The following MAP3K9 variants were observed in gnomAD, a reference collection of about 807,000 sequenced individuals.
The protein encoded by MAP3K9 is mitogen-activated protein kinase kinase kinase 9.
In MAP3K9, 46 loss-of-function variants were observed where a neutral mutation model predicts 95.8. That is an observed-to-expected ratio of 0.48 (90% confidence interval 0.38 to 0.61). MAP3K9 has a LOEUF of 0.61. MAP3K9 is among the 20% of genes least tolerant of loss of function. MAP3K9 has a pLI of 0.00. For synonymous variants in MAP3K9, 533 were observed against 593.8 expected, an observed-to-expected ratio of 0.90 and a Z score of 1.49; for missense variants, 1,296 against 1,474.3, an observed-to-expected ratio of 0.88 and a Z score of 1.98.
At chr14:70,760,138 C>G (rs919611892) in intron 3 of MAP3K9, among the ~76,000 whole-genome samples, 2 of 96,358 alleles carry the variant, frequency 2.1e-5, no homozygotes, top group East Asian at 4.8e-4. Context: ...TTAAAATAAA[C>G]GTGCACACAC....
intron 2 of MAP3K9, among the ~76,000 whole-genome samples, chr14:70,783,919 A>AT (rs1199250723): frequency 1.3e-5 from 2 of 152,208 alleles, no homozygotes; most frequent in Admixed American, 1.3e-4. Context: ...TCTGGTTAAA[A>AT]TTTTTTAAAT....
chr14:70,739,925 A>G (rs2054044720), intron 7 of MAP3K9, 117 bp downstream of exon 7: 1 of 1,613,782 alleles, frequency 6.2e-7, no homozygotes, highest in African/African-American at 1.3e-5. Context: ...CACATTGTCG[A>G]GGAGAGGTGG....
chr14:70,733,199 C>G lies in MAP3K9; in HGVS notation c.2170G>C (p.Val724Leu). Residue 724 changes from valine to leucine, a missense_variant, in exon 11 of 12, where the codon GTC becomes CTC. Coordinates refer to ENST00000554752, the MANE Select transcript of MAP3K9 (RefSeq NM_001284230.2). ...SDGIHEEPTP[V>L]NSATSTPQLT... Reference sequence around the variant, plus strand: ...TGAGGGGTACTCGTGGCCGAGTTGACTGGGGTGGGCTCCTCATGGATTCCA... The same window carrying G: ...TGAGGGGTACTCGTGGCCGAGTTGAGTGGGGTGGGCTCCTCATGGATTCCA... 1 of 1,610,592 alleles carries G rather than the reference C, an allele frequency of 6.2e-7. No homozygotes were observed. The highest frequency in any genetic ancestry group is 1.1e-5 in the South Asian group (1 of 90,790).
chr14:70,747,505 A>G (rs1296394245), intron 5 of MAP3K9, among the ~76,000 whole-genome samples: 1 of 152,216 alleles, frequency 6.6e-6, no homozygotes, highest in Non-Finnish European at 1.5e-5. Context: ...GTATGTCTTT[A>G]TTAGCAGCAT....
chr14:70,728,056 G>A lies in MAP3K9; in HGVS notation c.*2324C>T, dbSNP rs986794849. The A allele has an allele frequency of 6.8e-6, 1 of 147,366 alleles. No homozygotes were observed. The highest frequency in any genetic ancestry group is 1.5e-5 in the Non-Finnish European group (1 of 67,298). 9.1% of individuals were successfully genotyped at this position (147,366 alleles called of 1,614,324 possible). On this transcript the variant is annotated 3_prime_UTR_variant, in exon 12 of 12. Coordinates refer to ENST00000554752, the MANE Select transcript of MAP3K9 (RefSeq NM_001284230.2). ...AGTGGAGCCAAGGATATACAGATGT[G>A]CTCATGGTTTAGCCTGAGGTTATGG...
chr14:70,797,931 G>A (rs2054883047), intron 2 of MAP3K9, among the ~76,000 whole-genome samples: 1 of 152,178 alleles, frequency 6.6e-6, no homozygotes, highest in African/African-American at 2.4e-5. Context: ...CAACCATGCA[G>A]TCCAATGGAC....
chr14:70,726,877 C>T lies in MAP3K9; in HGVS notation c.*3503G>A, dbSNP rs2053826871. The T allele has an allele frequency of 6.6e-6, 1 of 152,246 alleles. No homozygotes were observed. The highest frequency in any genetic ancestry group is 2.4e-5 in the African/African-American group (1 of 41,446). The allele number at this position is 152,246 out of a possible 1,614,324, so 9.4% of individuals were successfully genotyped here. On this transcript the variant is annotated 3_prime_UTR_variant, in exon 12 of 12. Coordinates refer to ENST00000554752, the MANE Select transcript of MAP3K9 (RefSeq NM_001284230.2). ...TTCTCTGATACATACACCCAACTCC[C>T]TTGAGAGGAAAGCATGTGATGATTG...
chr14:70,731,006 G>C (rs769427965), intron 11 of MAP3K9, 142 bp from the exon 12 acceptor site: 1 of 858,446 alleles, frequency 1.2e-6, no homozygotes, highest in Non-Finnish European at 1.8e-6. Flanking sequence ...GCACCTACTG[G>C]GAGGCACTGG....
intron 2 of MAP3K9, among the ~76,000 whole-genome samples, chr14:70,767,159 G>A (rs550701854): frequency 5.9e-5 from 9 of 152,088 alleles, no homozygotes; most frequent in Middle Eastern, 3.4e-3. Context: ...TGAGGTGGGC[G>A]GGTCACCTGA....
rs2054322283 is a variant in MAP3K9 at position 70,758,194 on chromosome 14, C to A, written c.1001+2808G>T. ...CTCTTTCAGCTCAACAATAAAAAGACAAATACTCTAATTTTTAAATTGGCA... is the reference window on the plus strand; with the variant it reads ...CTCTTTCAGCTCAACAATAAAAAGAAAAATACTCTAATTTTTAAATTGGCA... On this transcript the variant is annotated intron_variant, in intron 3 of 11. Coordinates refer to ENST00000554752, the MANE Select transcript of MAP3K9 (RefSeq NM_001284230.2). 3.3e-5 allele frequency among the ~76,000 whole-genome samples: 5 copies of A among 152,136 alleles called. No homozygotes were observed. The South Asian group carries it at 1.0e-3, about 32-fold the overall frequency.
intron 5 of MAP3K9, among the ~76,000 whole-genome samples, chr14:70,745,264 G>A (rs2054130188): frequency 6.6e-6 from 1 of 152,148 alleles, no homozygotes; most frequent in Non-Finnish European, 1.5e-5. Context: ...AAACAAAATA[G>A]TGTAGAAAGG....
At chr14:70,763,400 G>C (rs941635821) in intron 2 of MAP3K9, among the ~76,000 whole-genome samples, 5 of 152,200 alleles carry the variant, frequency 3.3e-5, no homozygotes, top group Non-Finnish European at 7.3e-5. Flanking sequence ...GTATTCTCAT[G>C]TGTCTGTGGT....
At chr14:70,733,842 A>G (rs1446452509) in intron 10 of MAP3K9, 2 of 717,558 alleles carry the variant, frequency 2.8e-6, no homozygotes, top group Admixed American at 4.0e-5. Context: ...CAGTTTGCTG[A>G]GCTTCCTCTC....
intron 2 of MAP3K9, among the ~76,000 whole-genome samples, chr14:70,787,507 C>CAA (rs66469021): frequency 6.3e-5 from 8 of 126,186 alleles, no homozygotes; most frequent in Admixed American, 1.6e-4. Context: ...GACTCTGTCT[C>CAA]AAAAAAAAAA....
In MAP3K9 at chr14:70,725,529, G is replaced by A. The variant is rs2053808999; in HGVS notation, c.*4851C>T. Reference sequence around the variant, plus strand: ...CTCCTGCCTTCCAACACCAGCACCTGAGTGGTGAGCACCCACCCAGGTAGC... The same window carrying A: ...CTCCTGCCTTCCAACACCAGCACCTAAGTGGTGAGCACCCACCCAGGTAGC... On this transcript the variant is annotated 3_prime_UTR_variant, in exon 12 of 12. Coordinates refer to ENST00000554752, the MANE Select transcript of MAP3K9 (RefSeq NM_001284230.2). The A allele has an allele frequency of 6.6e-6, 1 of 152,156 alleles. No individual in the cohort carries two copies. The highest frequency in any genetic ancestry group is 1.5e-5 in the Non-Finnish European group (1 of 68,052). The allele number at this position is 152,156 out of a possible 1,614,324, so 9.4% of individuals were successfully genotyped here.
chr14:70,794,155 C>T (rs2054836421), intron 2 of MAP3K9, among the ~76,000 whole-genome samples: 1 of 152,142 alleles, frequency 6.6e-6, no homozygotes, highest in Admixed American at 6.6e-5. Context: ...AAGGGGAGAC[C>T]AGCTTGGCTA....
At position 70,787,756 on chromosome 14, in the gene MAP3K9, C is replaced by T. The variant is rs528859877; in HGVS notation, c.820+12911G>A. Among the ~76,000 whole-genome samples the T allele has an allele frequency of 7.9e-5, 12 of 152,114 alleles. No homozygotes were observed. In the South Asian group the frequency reaches 1.5e-3, roughly 18 times the overall value. On this transcript the variant is annotated intron_variant, in intron 2 of 11. Coordinates refer to ENST00000554752, the MANE Select transcript of MAP3K9 (RefSeq NM_001284230.2). Reference sequence around the variant, plus strand: ...AAAGCAAAGGCTTGAAGAGAACAAACAAAGCTCATTCAGTAAAAGTGTTTT... The same window carrying T: ...AAAGCAAAGGCTTGAAGAGAACAAATAAAGCTCATTCAGTAAAAGTGTTTT...
chr14:70,791,518 C>T (rs547097433), intron 2 of MAP3K9, among the ~76,000 whole-genome samples: 2 of 152,342 alleles, frequency 1.3e-5, no homozygotes, highest in South Asian at 4.1e-4. Context: ...TCCTTCTCCA[C>T]CAACCACAGG....
chr14:70,730,926 C>G, intron 11 of MAP3K9, 62 bp from the exon 12 acceptor site: 1 of 1,499,784 alleles, frequency 6.7e-7, no homozygotes, highest in African/African-American at 1.4e-5. Context: ...GTTAGATATC[C>G]GCTACTCCCC....
Sources: gnomAD v4.1 joint callset for allele counts (sites outside exome capture counted in the v4.1 genomes callset) on GRCh38, gnomAD v4.1.1 for gene constraint, MANE v1.5 for transcripts, NCBI Gene and HGNC (gene_info 2026-07-23, HGNC 2026-07-21) for gene names.